Variants in TUT4 observed in about 807,000 individuals in gnomAD.
TUT4 encodes terminal uridylyltransferase 4.
In TUT4, 36 loss-of-function variants were observed where a neutral mutation model predicts 192.2. The ratio of observed to expected loss-of-function variants is 0.19; its 90% confidence interval spans 0.14 to 0.25. The LOEUF (loss-of-function observed/expected upper bound fraction) is 0.25. TUT4 is among the 10% of genes least tolerant of loss of function. The pLI is 1.00. For synonymous variants in TUT4, 618 were observed against 666.0 expected (o/e 0.93, Z 1.11); for missense variants, 1,493 against 1,957.2 (o/e 0.76, Z 4.47).
At chr1:52,437,040 C>G in intron 25 of TUT4, 62 bp from the exon 26 acceptor site, 1 of 1,565,800 alleles carries the variant, frequency 6.4e-7, no homozygotes, top group South Asian at 1.2e-5. Flanking sequence ...ACAAACTATG[C>G]AGGACTCTCA....
At chr1:52,445,672 T>C in intron 24 of TUT4, 115 bp downstream of exon 24, 1 of 757,814 alleles carries the variant, frequency 1.3e-6, no homozygotes, top group Non-Finnish European at 2.2e-6. Context: ...AGAAAAAATA[T>C]ACAAAGCTAT....
At chr1:52,456,129 C>G (rs1465360814) in intron 20 of TUT4, among the ~76,000 whole-genome samples, 1 of 152,008 alleles carries the variant, frequency 6.6e-6, no homozygotes, top group Non-Finnish European at 1.5e-5. Context: ...ATAGGCCAGG[C>G]GTGGTGGCTC....
intron 20 of TUT4, among the ~76,000 whole-genome samples, chr1:52,449,535 A>C (rs1201566980): frequency 1.3e-5 from 2 of 152,144 alleles, no homozygotes; most frequent in East Asian, 3.9e-4. Context: ...CCTGACCTCA[A>C]GTAATCTACC....
chr1:52,457,360 C>T (rs765680239), intron 20 of TUT4, among the ~76,000 whole-genome samples: 52 of 151,934 alleles, frequency 3.4e-4, no homozygotes, highest in East Asian at 1.2e-3. Context: ...CTCAGTCTCC[C>T]GAGTAGCTGG....
rs772112914 is a variant in TUT4, at chr1:52,461,092, A to G, written c.3321+42T>C. Reference sequence around the variant, plus strand: ...CTGACATTAGTTATGTTTCATTTTAATTATCATGAACAAAGCAGATCATTA... The same window carrying G: ...CTGACATTAGTTATGTTTCATTTTAGTTATCATGAACAAAGCAGATCATTA... On this transcript the variant is annotated intron_variant, in intron 19 of 29. Transcript: ENST00000257177. The G allele has an allele frequency of 1.0e-5, 15 of 1,449,428 alleles. No homozygotes were observed. In the Admixed American group the frequency reaches 3.3e-4, roughly 31 times the overall value. The allele number at this position is 1,449,428 out of a possible 1,614,324, so 89.8% of individuals were successfully genotyped here. A position where few individuals can be genotyped will look rare whatever the true frequency, so the allele number is the denominator to read the frequency against.
At chr1:52,517,057 C>T (rs1678902779) in intron 2 of TUT4, among the ~76,000 whole-genome samples, 1 of 152,234 alleles carries the variant, frequency 6.6e-6, no homozygotes, top group Non-Finnish European at 1.5e-5. Flanking sequence ...AATATCTTTA[C>T]ATATGCTACT....
intron 1 of TUT4, among the ~76,000 whole-genome samples, 180 bp downstream of exon 1, chr1:52,552,751 G>A (rs928321463): frequency 6.6e-6 from 1 of 152,158 alleles, no homozygotes; most frequent in Non-Finnish European, 1.5e-5. Context: ...TGGGACACCC[G>A]AAGCCCGTTC....
chr1:52,490,856 TACAGTAA>T, intron 7 of TUT4, 55 bp from the exon 8 acceptor site: 1 of 1,330,362 alleles, frequency 7.5e-7, no homozygotes, highest in Non-Finnish European at 1.1e-6. Context: ...ATACGTACTC[TACAGTAA>T]ACATTAAGTA....
Position 52,461,722 on chromosome 1 carries a change from C to T in TUT4, c.3117G>A (p.Lys1039=), listed in dbSNP as rs929960120. 5 of 1,507,174 alleles carry T rather than the reference C, an allele frequency of 3.3e-6. No individual in the cohort carries two copies. The African/African-American group carries it at 5.6e-5, about 17-fold the overall frequency. The allele number at this position is 1,507,174 out of a possible 1,614,324, so 93.4% of individuals were successfully genotyped here. A position where few individuals can be genotyped will look rare whatever the true frequency, so the allele number is the denominator to read the frequency against. ...EIIENLAKIL[K]RHPGLRNILP... is the part of the protein sequence containing the mutation. The stretch of plus-strand genomic sequence containing the variant: ...ATTCAAAATTCATACCTGGATGTCT[C>T]TTAAGAATTTTTGCCAAATTTTCAA... Residue 1039 remains lysine, a synonymous_variant, in exon 17 of 30, where the codon AAG becomes AAA. Transcript: ENST00000257177.
At chr1:52,488,475 G>T (rs1670341519) in intron 9 of TUT4, among the ~76,000 whole-genome samples, 1 of 152,156 alleles carries the variant, frequency 6.6e-6, no homozygotes, top group Non-Finnish European at 1.5e-5. Flanking sequence ...TGCCCAATCA[G>T]AAATTGGTAC....
At chr1:52,513,837 G>C (rs1404029073) in intron 3 of TUT4, among the ~76,000 whole-genome samples, 1 of 152,080 alleles carries the variant, frequency 6.6e-6, no homozygotes, top group African/African-American at 2.4e-5. Flanking sequence ...TCAGGTACTA[G>C]ATCATGGCAC....
intron 20 of TUT4, among the ~76,000 whole-genome samples, chr1:52,447,452 A>G (rs1657863319): frequency 6.9e-6 from 1 of 144,584 alleles, no homozygotes; most frequent in African/African-American, 2.8e-5. Context: ...CCATCTCACC[A>G]AAAAAAAACA....
intron 9 of TUT4, among the ~76,000 whole-genome samples, 156 bp downstream of exon 9, chr1:52,488,753 C>A (rs1670428149): frequency 6.6e-6 from 1 of 152,162 alleles, no homozygotes; most frequent in Admixed American, 6.5e-5. Context: ...TAAATTACAA[C>A]CTGCCACACC....
chr1:52,549,579 A>G (rs1344020757), intron 1 of TUT4, among the ~76,000 whole-genome samples: 1 of 152,208 alleles, frequency 6.6e-6, no homozygotes, highest in Non-Finnish European at 1.5e-5. Flanking sequence ...TGATGAAATG[A>G]ATGTTTAAAT....
chr1:52,468,864 A>G (rs1003626973), intron 14 of TUT4, among the ~76,000 whole-genome samples: 1 of 152,156 alleles, frequency 6.6e-6, no homozygotes, highest in Non-Finnish European at 1.5e-5. Context: ...ATAAGTCCAT[A>G]TATTTCTTAA....
intron 1 of TUT4, among the ~76,000 whole-genome samples, chr1:52,547,222 A>C (rs1688307388): frequency 6.6e-6 from 1 of 150,822 alleles, no homozygotes; most frequent in South Asian, 2.1e-4. Flanking sequence ...ACAATTTTTA[A>C]AAACGGGTAA....
At chr1:52,477,687 A>C in intron 12 of TUT4, 21 bp downstream of exon 12, 1 of 1,590,350 alleles carries the variant, frequency 6.3e-7, no homozygotes, top group Non-Finnish European at 8.5e-7. Context: ...TCTCCAAATG[A>C]AATACAACAT....
At chr1:52,533,440 C>T (rs918896810) in intron 1 of TUT4, among the ~76,000 whole-genome samples, 1 of 152,212 alleles carries the variant, frequency 6.6e-6, no homozygotes, top group Admixed American at 6.5e-5. Context: ...TCAGTAAGAT[C>T]AAACACATCA....
intron 14 of TUT4, 25 bp downstream of exon 14, chr1:52,471,927 A>C: frequency 6.3e-7 from 1 of 1,596,550 alleles, no homozygotes; most frequent in South Asian, 1.1e-5. Context: ...TCTAGTCCCA[A>C]TAGTTGTAGT....
Sources: gnomAD v4.1 joint callset for allele counts (sites outside exome capture counted in the v4.1 genomes callset) on GRCh38, gnomAD v4.1.1 for gene constraint, MANE v1.5 for transcripts, NCBI Gene and HGNC (gene_info 2026-07-23, HGNC 2026-07-21) for gene names.